Variants in MRAP2 observed in about 807,000 individuals in gnomAD.
MRAP2 encodes the protein melanocortin-2 receptor accessory protein 2.
MRAP2 carries 20 observed loss-of-function variants against 17.4 expected under a neutral mutation model. The observed-to-expected ratio is 1.15, with a 90% CI of 0.81 to 1.67. MRAP2 has a LOEUF of 1.67. Ranked by LOEUF, MRAP2 falls within the 40% of genes most tolerant of loss-of-function variation. The pLI is 0.00. For missense variants in MRAP2, 238 were observed against 240.0 expected (o/e 0.99, Z 0.05); for synonymous variants, 96 against 88.4 (o/e 1.09, Z -0.48).
the MRAP2 span, among the ~76,000 whole-genome samples, chr6:84,111,882 T>C: frequency 6.6e-6 from 1 of 152,304 alleles, no homozygotes; most frequent in East Asian, 1.9e-4. Context: ...TTGTCATGGG[T>C]TCTGTTTATG....
intron 1 of MRAP2, 62 bp from the exon 2 acceptor site, chr6:84,055,250 G>T: frequency 6.5e-7 from 1 of 1,549,476 alleles, no homozygotes; most frequent in Non-Finnish European, 8.7e-7. Context: ...GAGTAATTAA[G>T]GTAACTGTGC....
the MRAP2 span, among the ~76,000 whole-genome samples, chr6:84,134,527 A>G: frequency 5.3e-5 from 8 of 152,298 alleles, no homozygotes; most frequent in South Asian, 1.7e-3. Context: ...CCTTGGGAAA[A>G]GCATAGTAAC....
At chr6:84,121,500 C>T in the MRAP2 span, among the ~76,000 whole-genome samples, 1 of 152,164 alleles carries the variant, frequency 6.6e-6, no homozygotes, top group Non-Finnish European at 1.5e-5. Flanking sequence ...AAAATATTAG[C>T]TGGGTGTGAT....
intron 3 of MRAP2, among the ~76,000 whole-genome samples, chr6:84,067,401 G>GT (rs1401988814): frequency 6.6e-6 from 1 of 152,184 alleles, no homozygotes; most frequent in East Asian, 1.9e-4. Flanking sequence ...ATACCTAGTA[G>GT]TGGGATTGCT....
chr6:84,087,188 G>A (rs1242669145), intron 3 of MRAP2, among the ~76,000 whole-genome samples: 1 of 152,148 alleles, frequency 6.6e-6, no homozygotes, highest in East Asian at 1.9e-4. Context: ...TCCATTTTAG[G>A]GAGACATGAG....
At chr6:84,039,045 T>TA (rs1188535508) in intron 1 of MRAP2, among the ~76,000 whole-genome samples, 1 of 152,176 alleles carries the variant, frequency 6.6e-6, no homozygotes, top group Non-Finnish European at 1.5e-5. Context: ...AAGGAAGACT[T>TA]AGAGGCAGAA....
At chr6:84,131,595 A>G in the MRAP2 span, among the ~76,000 whole-genome samples, 2 of 151,608 alleles carry the variant, frequency 1.3e-5, no homozygotes, top group Non-Finnish European at 2.9e-5. Context: ...CTTTACCATT[A>G]TGGCCTTGTC....
At chr6:84,135,361 C>G in the MRAP2 span, among the ~76,000 whole-genome samples, 3 of 152,254 alleles carry the variant, frequency 2.0e-5, no homozygotes, top group African/African-American at 7.2e-5. Context: ...AGTGAAGATG[C>G]TTTCTTACTG....
At chr6:84,131,896 G>C in the MRAP2 span, among the ~76,000 whole-genome samples, 1 of 152,138 alleles carries the variant, frequency 6.6e-6, no homozygotes, top group African/African-American at 2.4e-5. Flanking sequence ...GATGTTAGCT[G>C]GTTATTTTGC....
intron 1 of MRAP2, among the ~76,000 whole-genome samples, chr6:84,035,050 A>C (rs2099485616): frequency 6.6e-6 from 1 of 152,180 alleles, no homozygotes; most frequent in Non-Finnish European, 1.5e-5. Flanking sequence ...TCTTATGAGG[A>C]AGATCATCCA....
the MRAP2 span, among the ~76,000 whole-genome samples, chr6:84,112,387 G>A: frequency 2.0e-5 from 3 of 152,168 alleles, no homozygotes; most frequent in Non-Finnish European, 4.4e-5. Flanking sequence ...TAGTTAATTT[G>A]CACAGGGGTG....
rs2099501448 is a variant in MRAP2 at position 84,089,928 on chromosome 6, G to C, written c.*447G>C. 1 of 159,894 alleles carries C rather than the reference G, an allele frequency of 6.3e-6. No homozygotes were observed. Among genetic ancestry groups the C allele is most frequent in the Non-Finnish European group, 1.4e-5 (1 of 73,176 alleles). 9.9% of individuals were successfully genotyped at this position (159,894 alleles called of 1,614,324 possible). The stretch of plus-strand genomic sequence containing the variant: ...GTGGCACAGGGAAGCTAAAAGATTG[G>C]ACACCTCTGATTTATACTAGCTCGT... On this transcript the variant is annotated 3_prime_UTR_variant, in exon 4 of 4. Coordinates refer to ENST00000257776, the MANE Select transcript of MRAP2 (RefSeq NM_138409.4).
At chr6:84,107,297 T>G in the MRAP2 span, among the ~76,000 whole-genome samples, 2 of 152,146 alleles carry the variant, frequency 1.3e-5, no homozygotes, top group Non-Finnish European at 2.9e-5. Context: ...TGCCCCCTTC[T>G]TGGTTGTAGG....
chr6:84,110,384 T>C, the MRAP2 span, among the ~76,000 whole-genome samples: 1 of 152,228 alleles, frequency 6.6e-6, no homozygotes. Context: ...TACATAAATG[T>C]TTTCTTTTGA....
At chr6:84,139,584 A>T in the MRAP2 span, among the ~76,000 whole-genome samples, 1 of 151,306 alleles carries the variant, frequency 6.6e-6, no homozygotes, top group African/African-American at 2.5e-5. Flanking sequence ...TGGAACCTGC[A>T]GATGAAATCC....
At chr6:84,075,688 G>A (rs898704543) in intron 3 of MRAP2, among the ~76,000 whole-genome samples, 3 of 152,086 alleles carry the variant, frequency 2.0e-5, no homozygotes, top group African/African-American at 7.2e-5. Context: ...CAGACATTAC[G>A]TGCCTCACAT....
rs200034670 is a variant in MRAP2 at position 84,074,135 on chromosome 6, A to G, written c.227+11143A>G. On this transcript the variant is annotated intron_variant, in intron 3 of 3. Transcript: ENST00000257776. Reference sequence around the variant, plus strand: ...AGAGTAGGAGGGAGAAGAAAAAGGAACCCATTCCCCATGGGATACCCAGAC... The same window carrying G: ...AGAGTAGGAGGGAGAAGAAAAAGGAGCCCATTCCCCATGGGATACCCAGAC... Among the ~76,000 whole-genome samples, 10 of 152,076 alleles carry G rather than the reference A, an allele frequency of 6.6e-5. No individual in the cohort carries two copies. The East Asian group carries it at 1.5e-3, about 24-fold the overall frequency.
At chr6:84,074,657 G>T (rs1361909830) in intron 3 of MRAP2, among the ~76,000 whole-genome samples, 1 of 152,186 alleles carries the variant, frequency 6.6e-6, no homozygotes, top group Non-Finnish European at 1.5e-5. Flanking sequence ...ACAGACATCA[G>T]CAATGGACTG....
At chr6:84,093,307 A>G (rs755692100), downstream of MRAP2, among the ~76,000 whole-genome samples, 3 of 152,088 alleles carry the variant, frequency 2.0e-5, no homozygotes, top group East Asian at 5.8e-4. Context: ...GACTTATCCT[A>G]TGTAGGAACT....
Sources: allele counts gnomAD v4.1 joint callset (sites outside exome capture counted in the v4.1 genomes callset), GRCh38; gene constraint gnomAD v4.1.1; transcripts MANE v1.5; gene names NCBI Gene and HGNC (gene_info 2026-07-23, HGNC 2026-07-21).